Variants in PCDH9 observed in about 807,000 individuals in gnomAD.
PCDH9 encodes the protein protocadherin-9.
PCDH9 carries 24 observed loss-of-function variants against 70.6 expected under a neutral mutation model. The ratio of observed to expected loss-of-function variants is 0.34; its 90% CI spans 0.25 to 0.48. The LOEUF (loss-of-function observed/expected upper bound fraction) is 0.48, where lower values mean the gene tolerates loss of function less well. PCDH9 is among the 20% of genes least tolerant of loss of function. The pLI, the probability that PCDH9 is intolerant of heterozygous loss-of-function variation, is 0.99. For synonymous variants in PCDH9, 562 were observed against 558.5 expected (o/e 1.01, Z -0.09); for missense variants, 1,281 against 1,503.6 (o/e 0.85, Z 2.45).
At chr13:67,001,707 T>A (rs1307624147) in intron 2 of PCDH9, 1 of 152,208 alleles carries the variant, frequency 6.6e-6, no homozygotes, top group Non-Finnish European at 1.5e-5. Context: ...TCCCCCAAGG[T>A]AACAGTGAAT....
intron 3 of PCDH9, among the ~76,000 whole-genome samples, chr13:66,736,534 T>A (rs1394351031): frequency 6.6e-6 from 1 of 152,180 alleles, no homozygotes; most frequent in African/African-American, 2.4e-5. Context: ...AGCCACCCAG[T>A]CTTCTTTTAG....
chr13:66,564,688 T>G (rs145424257), intron 4 of PCDH9, among the ~76,000 whole-genome samples: 16 of 152,228 alleles, frequency 1.1e-4, no homozygotes, highest in East Asian at 3.9e-4. Context: ...AAAATGATTA[T>G]ATTAGTCATA....
At chr13:66,826,515 A>G (rs528750375) in intron 3 of PCDH9, among the ~76,000 whole-genome samples, 1 of 152,308 alleles carries the variant, frequency 6.6e-6, no homozygotes, top group African/African-American at 2.4e-5. Context: ...GTTTGCCTGT[A>G]TAATTGGAAT....
At chr13:66,450,059 T>C (rs1263481143) in intron 4 of PCDH9, among the ~76,000 whole-genome samples, 1 of 152,170 alleles carries the variant, frequency 6.6e-6, no homozygotes, top group Admixed American at 6.5e-5. Context: ...TTCATTCATT[T>C]TGGAAGAGTT....
chr13:67,165,525 G>A (rs2088088002), intron 2 of PCDH9, among the ~76,000 whole-genome samples: 1 of 151,896 alleles, frequency 6.6e-6, no homozygotes, highest in Non-Finnish European at 1.5e-5. Context: ...CATTTTATAA[G>A]TGGTCAAGAC....
chr13:66,385,794 C>T (rs1956917491), intron 4 of PCDH9, among the ~76,000 whole-genome samples: 1 of 152,096 alleles, frequency 6.6e-6, no homozygotes, highest in East Asian at 1.9e-4. Flanking sequence ...TGAATTCTAA[C>T]AGCGATTTCA....
chr13:66,653,433 G>A (rs1174258550), intron 3 of PCDH9, among the ~76,000 whole-genome samples: 1 of 151,860 alleles, frequency 6.6e-6, no homozygotes, highest in Non-Finnish European at 1.5e-5. Flanking sequence ...TTGATCATCA[G>A]AGAAATGTAC....
intron 3 of PCDH9, among the ~76,000 whole-genome samples, chr13:66,793,761 T>A (rs1464098579): frequency 1.3e-5 from 2 of 152,172 alleles, no homozygotes; most frequent in East Asian, 1.9e-4. Context: ...AACTTTAACA[T>A]CTGTTGTGCT....
chr13:66,601,535 A>G (rs1207362354), intron 4 of PCDH9, among the ~76,000 whole-genome samples: 2 of 146,516 alleles, frequency 1.4e-5, no homozygotes, highest in East Asian at 3.9e-4. Flanking sequence ...CCACACATCT[A>G]TTGGAAATGT....
chr13:66,849,517 TAGAGAGAGAGAG>T (rs58589562), intron 3 of PCDH9, among the ~76,000 whole-genome samples: 1 of 63,582 alleles, frequency 1.6e-5, no homozygotes, highest in African/African-American at 8.3e-5. Context: ...TATATATATA[TAGAGAGAGAGAG>T]AGAGAGAGAG....
chr13:66,687,575 A>G (rs992886446), intron 3 of PCDH9, among the ~76,000 whole-genome samples: 3 of 152,124 alleles, frequency 2.0e-5, no homozygotes, highest in Non-Finnish European at 1.5e-5. Context: ...CCAATTACCT[A>G]TTGGATAACC....
chr13:67,061,086 A>G (rs1015598814), intron 2 of PCDH9, among the ~76,000 whole-genome samples: 12 of 152,156 alleles, frequency 7.9e-5, no homozygotes, highest in African/African-American at 2.9e-4. Flanking sequence ...AGATGATGTC[A>G]GATGAAATAT....
At chr13:66,984,368 C>A (rs1894031422) in intron 2 of PCDH9, among the ~76,000 whole-genome samples, 1 of 152,122 alleles carries the variant, frequency 6.6e-6, no homozygotes, top group African/African-American at 2.4e-5. Context: ...GTCTACATTT[C>A]CAAACCAACT....
intron 3 of PCDH9, among the ~76,000 whole-genome samples, chr13:66,810,062 G>A (rs1338421159): frequency 6.6e-6 from 1 of 152,022 alleles, no homozygotes; most frequent in Non-Finnish European, 1.5e-5. Context: ...CAAAATGACT[G>A]TATGTTTGTG....
intron 3 of PCDH9, among the ~76,000 whole-genome samples, chr13:66,861,534 A>G (rs1196620606): frequency 6.6e-6 from 1 of 152,084 alleles, no homozygotes; most frequent in Non-Finnish European, 1.5e-5. Flanking sequence ...TTACTCTCCC[A>G]CTGGCACTGA....
chr13:66,457,841 T>G (rs929735999), intron 4 of PCDH9, among the ~76,000 whole-genome samples: 3 of 151,872 alleles, frequency 2.0e-5, no homozygotes, highest in African/African-American at 7.3e-5. Flanking sequence ...TGTTGGTGAT[T>G]TTTTTGGGGG....
intron 2 of PCDH9, among the ~76,000 whole-genome samples, chr13:67,071,500 C>T (rs1464871153): frequency 6.6e-6 from 1 of 152,076 alleles, no homozygotes; most frequent in Non-Finnish European, 1.5e-5. Context: ...TAATATTTGT[C>T]TAGCAAACTT....
rs2079428815 is a variant in PCDH9 at position 66,749,768 on chromosome 13, A to G, written c.3139-118357T>C. Among the ~76,000 whole-genome samples, 4 of 152,146 alleles carry G rather than the reference A, an allele frequency of 2.6e-5. 1 individual carries two copies. In the South Asian group the frequency reaches 8.3e-4, roughly 32 times the overall value. ...GGTTCCAACACAACCCTCTAGTTTA[A>G]GCTCTCCTTTAGGAATAGGATGAAC... On this transcript the variant is annotated intron_variant, in intron 3 of 4. Transcript: ENST00000377865.
intron 3 of PCDH9, among the ~76,000 whole-genome samples, chr13:66,780,289 A>C: frequency 6.6e-6 from 1 of 152,260 alleles, no homozygotes; most frequent in South Asian, 2.1e-4. Context: ...TTTTTTGCCT[A>C]ATTTTATTTT....
Sources: gnomAD v4.1 joint callset for allele counts (sites outside exome capture counted in the v4.1 genomes callset) on GRCh38, gnomAD v4.1.1 for gene constraint, MANE v1.5 for transcripts, NCBI Gene and HGNC (gene_info 2026-07-23, HGNC 2026-07-21) for gene names.